Variants in ADGB observed in about 807,000 individuals in gnomAD.
ADGB encodes calpain-7-like protein.
ADGB carries 172 observed loss-of-function variants against 210.5 expected under a neutral mutation model. The ratio of observed to expected loss-of-function variants is 0.82; its 90% CI spans 0.72 to 0.93. ADGB has a LOEUF of 0.93. ADGB is among the 40% of genes least tolerant of loss of function. ADGB has a pLI of 0.00. For synonymous variants in ADGB, 658 were observed against 662.7 expected (o/e 0.99, Z 0.11); for missense variants, 2,025 against 1,964.8 (o/e 1.03, Z -0.58).
chr6:146,772,425 A>T (rs1255887477), intron 29 of ADGB, among the ~76,000 whole-genome samples: 1 of 147,048 alleles, frequency 6.8e-6, no homozygotes, highest in Non-Finnish European at 1.5e-5. Flanking sequence ...TATATTTATT[A>T]TATATATATA....
intron 1 of ADGB, among the ~76,000 whole-genome samples, chr6:146,622,511 G>A (rs751143073): frequency 2.0e-5 from 3 of 152,014 alleles, no homozygotes; most frequent in African/African-American, 4.8e-5. Flanking sequence ...AGACCAGATC[G>A]TATTTGAGGG....
At chr6:146,642,797 A>G (rs1315429560) in intron 2 of ADGB, among the ~76,000 whole-genome samples, 1 of 151,906 alleles carries the variant, frequency 6.6e-6, no homozygotes, top group Non-Finnish European at 1.5e-5. Flanking sequence ...AGCAGAAAAG[A>G]TAACTATTGG....
intron 33 of ADGB, among the ~76,000 whole-genome samples, chr6:146,793,054 G>A (rs1165010433): frequency 3.9e-5 from 6 of 152,124 alleles, no homozygotes; most frequent in Non-Finnish European, 8.8e-5. Flanking sequence ...GCAGGTTGCT[G>A]CTTCTGGCTG....
chr6:146,771,114 G>GCCGAATACGC (rs1315732367), intron 29 of ADGB, among the ~76,000 whole-genome samples: 1 of 152,010 alleles, frequency 6.6e-6, no homozygotes, highest in Non-Finnish European at 1.5e-5. Flanking sequence ...CACGTCTCAA[G>GCCGAATACGC]CCGAATACGC....
intron 1 of ADGB, among the ~76,000 whole-genome samples, chr6:146,605,115 G>A (rs983517902): frequency 2.6e-5 from 4 of 152,128 alleles, no homozygotes; most frequent in African/African-American, 9.7e-5. Flanking sequence ...ATATGTAGTG[G>A]GGAAATACAA....
intron 13 of ADGB, among the ~76,000 whole-genome samples, chr6:146,702,583 AAC>A (rs1242645321): frequency 6.6e-6 from 1 of 152,002 alleles, no homozygotes; most frequent in African/African-American, 2.4e-5. Flanking sequence ...AATGCAAAGA[AAC>A]ACACACACAA....
At chr6:146,810,764 C>T (rs553333963) in intron 35 of ADGB, among the ~76,000 whole-genome samples, 108 of 152,142 alleles carry the variant, frequency 7.1e-4, no homozygotes, top group African/African-American at 2.4e-3. Flanking sequence ...CTCATAGAAG[C>T]AAAGTGTAGG....
chr6:146,681,602 G>T lies in ADGB; in HGVS notation c.1217-4132G>T, dbSNP rs534913902. Among the ~76,000 whole-genome samples, 11 of 152,194 alleles carry T rather than the reference G, an allele frequency of 7.2e-5. 1 individual carries two copies. The South Asian group carries it at 2.1e-3, about 29-fold the overall frequency. ...CTCTATGAAGCAAAGAAGCAAAGAA[G>T]TAAATTAGCCTTGGGAATTACACTC... On this transcript the variant is annotated intron_variant, in intron 9 of 35. Transcript: ENST00000397944.
intron 29 of ADGB, among the ~76,000 whole-genome samples, chr6:146,780,498 G>GA (rs1777783647): frequency 6.6e-6 from 1 of 151,720 alleles, no homozygotes; most frequent in Admixed American, 6.6e-5. Context: ...CAAAAATATG[G>GA]AAAAAACAAT....
chr6:146,661,315 G>A (rs1402829424), intron 5 of ADGB, among the ~76,000 whole-genome samples: 2 of 149,262 alleles, frequency 1.3e-5, no homozygotes, highest in Non-Finnish European at 3.0e-5. Flanking sequence ...CCACTCCTGG[G>A]ATCCAGTGAT....
At position 146,684,682 on chromosome 6, in the gene ADGB, A is replaced by G. The variant is rs1046526156; in HGVS notation, c.1217-1052A>G. On this transcript the variant is annotated intron_variant, in intron 9 of 35. Transcript: ENST00000397944. ...CAATACACAGTACCTTGTATTCCAC[A>G]AGGAGTAGGTCAAATTATTAACCAA... is the stretch of plus-strand genomic sequence containing the variant. Among the ~76,000 whole-genome samples the G allele has an allele frequency of 3.9e-5, 6 of 152,212 alleles. No homozygotes were observed. In the South Asian group the frequency reaches 1.2e-3, roughly 32 times the overall value.
At chr6:146,664,797 T>G (rs1775916532) in intron 6 of ADGB, among the ~76,000 whole-genome samples, 1 of 152,074 alleles carries the variant, frequency 6.6e-6, no homozygotes, top group African/African-American at 2.4e-5. Flanking sequence ...CTTCATGATT[T>G]TGGTAACATT....
intron 27 of ADGB, among the ~76,000 whole-genome samples, chr6:146,756,390 A>G (rs748633003): frequency 2.6e-5 from 4 of 152,142 alleles, no homozygotes; most frequent in Non-Finnish European, 4.4e-5. Flanking sequence ...GTCGGGTAAG[A>G]ATCCCATTTC....
At chr6:146,763,038 T>C (rs1777517883) in intron 27 of ADGB, among the ~76,000 whole-genome samples, 2 of 152,162 alleles carry the variant, frequency 1.3e-5, no homozygotes, top group African/African-American at 2.4e-5. Context: ...CAAATTTTAC[T>C]TGTTGCAGGA....
chr6:146,642,803 A>C (rs552650891), intron 2 of ADGB, among the ~76,000 whole-genome samples: 1 of 151,982 alleles, frequency 6.6e-6, no homozygotes, highest in South Asian at 2.1e-4. Flanking sequence ...AAAGATAACT[A>C]TTGGGTTCTG....
At chr6:146,776,673 T>C (rs935762093) in intron 29 of ADGB, among the ~76,000 whole-genome samples, 9 of 152,056 alleles carry the variant, frequency 5.9e-5, no homozygotes, top group Non-Finnish European at 1.0e-4. Context: ...CTAAAAACTA[T>C]GTGTAGTAAG....
At chr6:146,665,957 G>A (rs1179536052) in intron 6 of ADGB, among the ~76,000 whole-genome samples, 1 of 152,036 alleles carries the variant, frequency 6.6e-6, no homozygotes. Flanking sequence ...GAGGAGTTTA[G>A]ACTAGTCTGG....
intron 33 of ADGB, among the ~76,000 whole-genome samples, chr6:146,789,984 A>G (rs1777931290): frequency 6.6e-6 from 1 of 152,210 alleles, no homozygotes; most frequent in Non-Finnish European, 1.5e-5. Context: ...AGCCAAAACA[A>G]TGCAACTTAA....
chr6:146,613,011 T>C (rs908409747), intron 1 of ADGB, among the ~76,000 whole-genome samples: 3 of 152,206 alleles, frequency 2.0e-5, no homozygotes, highest in Non-Finnish European at 4.4e-5. Context: ...TTGAAAACAA[T>C]TTTTCTCTCT....
Sources: allele counts gnomAD v4.1 joint callset (sites outside exome capture counted in the v4.1 genomes callset), GRCh38; gene constraint gnomAD v4.1.1; transcripts MANE v1.5; gene names NCBI Gene and HGNC (gene_info 2026-07-23, HGNC 2026-07-21).